The following UNC79 variants were observed in gnomAD, a reference collection of about 807,000 sequenced individuals.
UNC79 encodes the protein protein unc-79 homolog.
Under a neutral mutation model 283.1 loss-of-function variants are expected in UNC79, and 37 were observed. The ratio of observed to expected loss-of-function variants is 0.13; its 90% confidence interval spans 0.10 to 0.17. The LOEUF is 0.17. UNC79 is among the 10% of genes least tolerant of loss of function. The pLI is 1.00. For synonymous variants in UNC79, 1,107 were observed against 1,200.2 expected (o/e 0.92, Z 1.61); for missense variants, 2,272 against 3,211.1 (o/e 0.71, Z 7.07).
intron 23 of UNC79, among the ~76,000 whole-genome samples, chr14:93,594,096 T>C (rs1244170950): frequency 2.0e-5 from 3 of 152,166 alleles, no homozygotes; most frequent in Non-Finnish European, 4.4e-5. Context: ...AGTGTAGCGA[T>C]TAACTGCACC....
At chr14:93,591,500 G>C (rs927500195) in intron 22 of UNC79, among the ~76,000 whole-genome samples, 12 of 152,150 alleles carry the variant, frequency 7.9e-5, no homozygotes, top group Non-Finnish European at 1.8e-4. Flanking sequence ...AATAAAGTAA[G>C]CCAGAGAAAA....
Position 93,494,161 on chromosome 14 carries a change from C to T in UNC79, c.713-2250C>T, listed in dbSNP as rs539202981. Among the ~76,000 whole-genome samples, 131 of 151,992 alleles carry T rather than the reference C, an allele frequency of 8.6e-4. 1 individual carries two copies. Among genetic ancestry groups the T allele is most frequent in the African/African-American group, 3.1e-3 (128 of 41,460 alleles). On this transcript the variant is annotated intron_variant, in intron 5 of 48. Coordinates refer to ENST00000555664, the Ensembl canonical transcript of UNC79. ...CTCAGGAGTTTTGATCCACCCGCCT[C>T]GGCCTCCCACAGTGCTGGGATTACA...
chr14:93,466,016 C>T (rs1277152295), intron 1 of UNC79, among the ~76,000 whole-genome samples: 7 of 152,088 alleles, frequency 4.6e-5, no homozygotes, highest in Admixed American at 3.3e-4. Flanking sequence ...AGGAAATGGA[C>T]TTTTGTAGAT....
chr14:93,399,851 T>C (rs1040991258), intron 1 of UNC79, among the ~76,000 whole-genome samples: 1 of 152,178 alleles, frequency 6.6e-6, no homozygotes, highest in Non-Finnish European at 1.5e-5. Context: ...TGTGTGTGTA[T>C]AGAAAACAGG....
At chr14:93,532,755 T>C (rs1477289945) in intron 11 of UNC79, among the ~76,000 whole-genome samples, 177 bp downstream of exon 11, 3 of 152,224 alleles carry the variant, frequency 2.0e-5, no homozygotes, top group African/African-American at 7.2e-5. Flanking sequence ...AAATGGTCTC[T>C]ATTTCCATTT....
At chr14:93,488,878 A>C (rs2058584227) in intron 5 of UNC79, among the ~76,000 whole-genome samples, 1 of 152,156 alleles carries the variant, frequency 6.6e-6, no homozygotes, top group African/African-American at 2.4e-5. Flanking sequence ...CTAATGACCT[A>C]ATTACTTCCT....
intron 1 of UNC79, among the ~76,000 whole-genome samples, chr14:93,404,493 A>AAAATATATAT: frequency 1.6e-4 from 10 of 61,494 alleles, no homozygotes; most frequent in African/African-American, 6.7e-4. Flanking sequence ...TTCTAAAAAA[A>AAAATATATAT]ATATATATAT....
chr14:93,345,572 T>C (rs970014460), intron 1 of UNC79, among the ~76,000 whole-genome samples: 1 of 152,138 alleles, frequency 6.6e-6, no homozygotes, highest in Non-Finnish European at 1.5e-5. Flanking sequence ...AAAACTATAA[T>C]TCTAAAATAA....
chr14:93,449,311 T>C (rs1326926840), intron 1 of UNC79, among the ~76,000 whole-genome samples: 1 of 152,234 alleles, frequency 6.6e-6, no homozygotes, highest in Non-Finnish European at 1.5e-5. Context: ...GCTTAAACTC[T>C]AGTCTCTGGT....
intron 14 of UNC79, among the ~76,000 whole-genome samples, chr14:93,556,007 G>A (rs1381032636): frequency 6.6e-6 from 1 of 152,138 alleles, no homozygotes; most frequent in East Asian, 1.9e-4. Context: ...AAAGCATGCA[G>A]TTTTTAGGGC....
At chr14:93,505,655 G>A (rs1463524574) in intron 7 of UNC79, among the ~76,000 whole-genome samples, 1 of 150,958 alleles carries the variant, frequency 6.6e-6, no homozygotes, top group Non-Finnish European at 1.5e-5. Context: ...GTAGTTACTG[G>A]TATATTTGAC....
chr14:93,529,401 C>A, intron 10 of UNC79, 75 bp downstream of exon 10: 1 of 1,505,428 alleles, frequency 6.6e-7, no homozygotes, highest in Non-Finnish European at 9.1e-7. Flanking sequence ...TCCTTTTGTA[C>A]TATTTTATTT....
At chr14:93,564,303 C>T (rs1401708317) in intron 14 of UNC79, among the ~76,000 whole-genome samples, 1 of 152,092 alleles carries the variant, frequency 6.6e-6, no homozygotes, top group East Asian at 1.9e-4. Context: ...ATGGCAAAAC[C>T]AGGTATCCAA....
At chr14:93,628,446 C>T (rs1189644805) in intron 30 of UNC79, among the ~76,000 whole-genome samples, 5 of 152,234 alleles carry the variant, frequency 3.3e-5, no homozygotes, top group African/African-American at 1.2e-4. Flanking sequence ...CCAGCCCCTA[C>T]CTGGTATCTT....
intron 47 of UNC79, among the ~76,000 whole-genome samples, chr14:93,703,324 T>A (rs976314751): frequency 1.8e-4 from 28 of 152,212 alleles, no homozygotes; most frequent in African/African-American, 6.8e-4. Context: ...GAGATCAAGG[T>A]GTCGGCAGGG....
At chr14:93,492,504 C>A (rs1052381111) in intron 5 of UNC79, among the ~76,000 whole-genome samples, 2 of 152,172 alleles carry the variant, frequency 1.3e-5, no homozygotes, top group African/African-American at 4.8e-5. Flanking sequence ...CAGGCACATG[C>A]CACCATGCCC....
In UNC79 at chr14:93,615,193, A is replaced by G. The variant is rs187137734; in HGVS notation, c.4042-1929A>G. Among the ~76,000 whole-genome samples, 8 of 152,292 alleles carry G rather than the reference A, an allele frequency of 5.3e-5. No individual in the cohort carries two copies. The East Asian group carries it at 1.5e-3, about 29-fold the overall frequency. Reference sequence around the variant, plus strand: ...AAGCACCTTGATCAATGCCTGTCTCATGGTAGGAACTCAATAGATGATTGC... The same window carrying G: ...AAGCACCTTGATCAATGCCTGTCTCGTGGTAGGAACTCAATAGATGATTGC... On this transcript the variant is annotated intron_variant, in intron 27 of 48. Transcript: ENST00000555664.
In UNC79 at chr14:93,496,533, T is replaced by A. The variant is rs779786688; in HGVS notation, c.768+67T>A. 111 of 1,162,476 alleles carry A rather than the reference T, an allele frequency of 9.5e-5. 1 individual carries two copies. The highest frequency in any genetic ancestry group is 1.7e-4 in the Admixed American group (6 of 35,092). 72.0% of individuals were successfully genotyped at this position (1,162,476 alleles called of 1,614,324 possible). ...TTTGTATAATACAGTAAAAACTGTT[T>A]ACGTATTAAAACTGTTGTTTAGGTC... On this transcript the variant is annotated intron_variant, in intron 6 of 48. Coordinates refer to ENST00000555664, the Ensembl canonical transcript of UNC79.
At chr14:93,389,274 AAC>A (rs1566907428) in intron 1 of UNC79, among the ~76,000 whole-genome samples, 1 of 152,192 alleles carries the variant, frequency 6.6e-6, no homozygotes, top group Non-Finnish European at 1.5e-5. Context: ...ATTAAAAGTA[AAC>A]TTCTACCTCT....
Sources: allele counts gnomAD v4.1 joint callset (sites outside exome capture counted in the v4.1 genomes callset), GRCh38; gene constraint gnomAD v4.1.1; transcripts MANE v1.5; gene names NCBI Gene and HGNC (gene_info 2026-07-23, HGNC 2026-07-21).